Variants in NAP1L4 observed in about 807,000 individuals in gnomAD.
The protein encoded by NAP1L4 is nucleosome assembly protein 1 like 4.
NAP1L4 carries 15 observed loss-of-function variants against 58.2 expected under a neutral mutation model. That is an observed-to-expected ratio of 0.26 (90% CI 0.17 to 0.40). The LOEUF (loss-of-function observed/expected upper bound fraction) is 0.40, where lower values mean the gene tolerates loss of function less well. Among genes scored for constraint, NAP1L4 ranks in the 10% least tolerant of loss-of-function variants. The pLI, the probability that NAP1L4 is intolerant of heterozygous loss-of-function variation, is 1.00. For synonymous variants in NAP1L4, 171 were observed against 155.6 expected, an observed-to-expected ratio of 1.10 and a Z score of -0.74; for missense variants, 384 against 451.1, an observed-to-expected ratio of 0.85 and a Z score of 1.35.
chr11:2,971,339 A>T lies in NAP1L4; in HGVS notation c.402+109T>A, dbSNP rs1449417550. 1.7e-5 allele frequency: 15 copies of T among 877,708 alleles called. No individual in the cohort carries two copies. The highest frequency in any genetic ancestry group is 3.4e-5 in the African/African-American group (2 of 59,420). The allele number at this position is 877,708 out of a possible 1,614,324, so 54.4% of individuals were successfully genotyped here. ...AAACCCAACCTAATGATGCAGCAGCACCTACTGTTAGAAGCACATAAGTTT... is the reference window on the plus strand; with the variant it reads ...AAACCCAACCTAATGATGCAGCAGCTCCTACTGTTAGAAGCACATAAGTTT... On this transcript the variant is annotated intron_variant, in intron 6 of 15. Transcript: ENST00000380542. This position sits in a 1 kb window ranked among gnomAD's most constrained non-coding sequence, Gnocchi z 4.2.
chr11:2,979,250 AAG>A lies in NAP1L4; in HGVS notation c.-17-15_-17-14del, dbSNP rs1848156423. 1 of 1,596,808 alleles carries A rather than the reference AAG, an allele frequency of 6.3e-7. No homozygotes were observed. Among genetic ancestry groups the A allele is most frequent in the African/African-American group, 1.3e-5 (1 of 74,156 alleles). ...ATGTTTTTATCCCCTATAAATTAAAAAGAGTTGTAATAATTATATTCATAAGC... is the reference window on the plus strand; with the variant it reads ...ATGTTTTTATCCCCTATAAATTAAAAAGTTGTAATAATTATATTCATAAGC... On this transcript the variant is annotated splice_polypyrimidine_tract_variant and intron_variant, in intron 1 of 15. Coordinates refer to ENST00000380542, the MANE Select transcript of NAP1L4 (RefSeq NM_005969.4).
intron 1 of NAP1L4, chr11:2,989,971 T>C (rs1383290190): frequency 3.3e-5 from 5 of 152,232 alleles, no homozygotes; most frequent in African/African-American, 1.2e-4. Context: ...GTGTAAACTT[T>C]TCAGAATTCA....
intron 7 of NAP1L4, among the ~76,000 whole-genome samples, chr11:2,965,903 T>A (rs1321150918): frequency 1.3e-5 from 2 of 152,068 alleles, no homozygotes; most frequent in Non-Finnish European, 2.9e-5. Context: ...CATGGAAGAG[T>A]GGGCATCATG....
rs114119966 is a variant in NAP1L4 at position 2,955,342 on chromosome 11, G to A, written c.915+402C>T. Among the ~76,000 whole-genome samples, 3,426 of 151,734 alleles carry A rather than the reference G, an allele frequency of 0.023. 122 individuals carry two copies. The highest frequency in any genetic ancestry group is 0.076 in the African/African-American group (3,126 of 41,258). Reference sequence around the variant, plus strand: ...CTCCTGAGTAGCTGAGATTACAGGCGCTGCCACCGTGTCCAACTAATTTTT... The same window carrying A: ...CTCCTGAGTAGCTGAGATTACAGGCACTGCCACCGTGTCCAACTAATTTTT... On this transcript the variant is annotated intron_variant, in intron 11 of 15. Transcript: ENST00000380542. The surrounding 1 kb of genome is among the most constrained non-coding windows in gnomAD (Gnocchi z 4.2).
chr11:2,982,122 T>C lies in NAP1L4; in HGVS notation c.-17-2885A>G, dbSNP rs551243812. Among the ~76,000 whole-genome samples, 10 of 152,314 alleles carry C rather than the reference T, an allele frequency of 6.6e-5. No homozygotes were observed. The South Asian group carries it at 1.7e-3, about 25-fold the overall frequency. On this transcript the variant is annotated intron_variant, in intron 1 of 15. Transcript: ENST00000380542. ...TTTTTCTGTTATATACCTTTGATAA[T>C]GTCTCTATGAACATCTTGGCTTATA...
At chr11:2,987,756 C>CTAAAA (rs1848728108) in intron 1 of NAP1L4, among the ~76,000 whole-genome samples, 1 of 70,456 alleles carries the variant, frequency 1.4e-5, no homozygotes, top group African/African-American at 6.2e-5. Flanking sequence ...GACTCCACCT[C>CTAAAA]AAAAAAAAAA....
chr11:2,950,210 T>G (rs1846151529), intron 14 of NAP1L4, among the ~76,000 whole-genome samples: 1 of 152,266 alleles, frequency 6.6e-6, no homozygotes, highest in African/African-American at 2.4e-5. Context: ...TTCAGCAGAG[T>G]CCTCCCACAT....
At chr11:2,987,994 T>C (rs1317990024) in intron 1 of NAP1L4, 1 of 152,140 alleles carries the variant, frequency 6.6e-6, no homozygotes, top group Non-Finnish European at 1.5e-5. Flanking sequence ...CATGCACACA[T>C]CTCAAGCAGT....
intron 1 of NAP1L4, among the ~76,000 whole-genome samples, chr11:2,985,222 A>G (rs970100235): frequency 1.3e-5 from 2 of 152,220 alleles, no homozygotes; most frequent in Admixed American, 1.3e-4. Context: ...TGATTTTGGG[A>G]TCAGGAGTGC....
intron 15 of NAP1L4, 81 bp from the exon 16 acceptor site, chr11:2,945,727 A>G (rs1590211186): frequency 8.7e-7 from 1 of 1,143,614 alleles, no homozygotes; most frequent in East Asian, 2.7e-5. Context: ...ATGAAAGCCA[A>G]GACTGAATGA....
At chr11:2,953,258 G>A (rs916042555) in intron 12 of NAP1L4, among the ~76,000 whole-genome samples, 2 of 152,224 alleles carry the variant, frequency 1.3e-5, no homozygotes, top group East Asian at 1.9e-4. Flanking sequence ...TACAGATACC[G>A]CATATAAGTA....
intron 8 of NAP1L4, among the ~76,000 whole-genome samples, chr11:2,963,459 T>A (rs948997246): frequency 2.0e-5 from 3 of 152,148 alleles, no homozygotes; most frequent in Admixed American, 2.0e-4. Flanking sequence ...CCCCAGCTGG[T>A]GAGCAGGCAT....
At chr11:2,963,876 G>A (rs754478975) in intron 8 of NAP1L4, 7 of 519,172 alleles carry the variant, frequency 1.3e-5, no homozygotes, top group South Asian at 4.2e-5. Context: ...CCAGGCTAAC[G>A]GGTTACGAAC....
chr11:2,988,691 A>G (rs4758622), intron 1 of NAP1L4, among the ~76,000 whole-genome samples: 127,724 of 152,208 alleles, frequency 0.84, 54,033 homozygotes, highest in African/African-American at 0.94. Context: ...AGGCTTTTCC[A>G]GATAATGCAC....
At position 2,951,185 on chromosome 11, in the gene NAP1L4, A is replaced by G. The variant is rs1054586274; in HGVS notation, c.1122+74T>C. On this transcript the variant is annotated intron_variant, in intron 14 of 15. Transcript: ENST00000380542. This position sits in a 1 kb window ranked among gnomAD's most constrained non-coding sequence, Gnocchi z 4.0. ...TGAATATTGTTAACACTACTGCCTCAAAGTGGGGAACATTTTTAAAAGTCT... is the reference window on the plus strand; with the variant it reads ...TGAATATTGTTAACACTACTGCCTCGAAGTGGGGAACATTTTTAAAAGTCT... 3 of 1,203,022 alleles carry G rather than the reference A, an allele frequency of 2.5e-6. No homozygotes were observed. Among genetic ancestry groups the G allele is most frequent in the Non-Finnish European group, 3.7e-6 (3 of 818,346 alleles). The allele number at this position is 1,203,022 out of a possible 1,614,324, so 74.5% of individuals were successfully genotyped here.
chr11:2,952,632 AGGATGAGATGT>A (rs1391388168), intron 12 of NAP1L4: 1 of 152,294 alleles, frequency 6.6e-6, no homozygotes, highest in Non-Finnish European at 1.5e-5. Context: ...CGCAGCAGCC[AGGATGAGATGT>A]GGCCACGGTG....
chr11:2,958,223 C>A (rs1053266853), intron 10 of NAP1L4, 176 bp downstream of exon 10: 1 of 716,938 alleles, frequency 1.4e-6, no homozygotes, highest in Non-Finnish European at 2.5e-6. Context: ...ACCTCTGCCC[C>A]CCGCGATAAA....
intron 1 of NAP1L4, among the ~76,000 whole-genome samples, chr11:2,983,238 C>T (rs1243636278): frequency 1.3e-5 from 2 of 152,150 alleles, no homozygotes; most frequent in Admixed American, 1.3e-4. Context: ...AAAGCATAAA[C>T]CACCTGTGTT....
chr11:2,982,705 G>A (rs1313597649), intron 1 of NAP1L4, among the ~76,000 whole-genome samples: 1 of 152,198 alleles, frequency 6.6e-6, no homozygotes, highest in Non-Finnish European at 1.5e-5. Flanking sequence ...ACTTCTGGCT[G>A]TTTCTACTTG....
Sources: allele counts gnomAD v4.1 joint callset (sites outside exome capture counted in the v4.1 genomes callset), GRCh38; gene constraint gnomAD v4.1.1; non-coding constraint Gnocchi (gnomAD v3.1); transcripts MANE v1.5; gene names NCBI Gene and HGNC (gene_info 2026-07-23, HGNC 2026-07-21).